Variants in ARFGEF1 observed in about 807,000 individuals in gnomAD.
The protein encoded by ARFGEF1 is ARF guanine nucleotide exchange factor 1.
ARFGEF1 carries 42 observed loss-of-function variants against 231.0 expected under a neutral mutation model. The observed-to-expected ratio is 0.18, with a 90% confidence interval of 0.14 to 0.24. The LOEUF (loss-of-function observed/expected upper bound fraction) is 0.24, where lower values mean the gene tolerates loss of function less well. Ranked by LOEUF, ARFGEF1 falls within the 10% of genes least tolerant of loss-of-function variation. ARFGEF1 has a pLI of 1.00. For synonymous variants in ARFGEF1, 710 were observed against 732.3 expected (o/e 0.97, Z 0.49); for missense variants, 1,345 against 2,192.0 (o/e 0.61, Z 7.72).
At chr8:67,179,831 T>C (rs1563767707) in intron 5 of ARFGEF1, 1 of 1,478,238 alleles carries the variant, frequency 6.8e-7, no homozygotes. Context: ...ACAAAACTAA[T>C]AAAAATAGTC....
At chr8:67,293,747 C>T (rs1195780259) in intron 5 of ARFGEF1, among the ~76,000 whole-genome samples, 2 of 152,086 alleles carry the variant, frequency 1.3e-5, no homozygotes, top group South Asian at 2.1e-4. Flanking sequence ...AGTCCCTTTC[C>T]ACAATGTACC....
At chr8:67,280,808 A>G (rs1004475954) in intron 7 of ARFGEF1, among the ~76,000 whole-genome samples, 2 of 152,192 alleles carry the variant, frequency 1.3e-5, no homozygotes, top group Non-Finnish European at 2.9e-5. Flanking sequence ...CAAGAAATAG[A>G]AAAAACATAT....
At chr8:67,239,997 T>C (rs1214558603) in intron 20 of ARFGEF1, among the ~76,000 whole-genome samples, 165 bp downstream of exon 20, 1 of 152,228 alleles carries the variant, frequency 6.6e-6, no homozygotes, top group Non-Finnish European at 1.5e-5. Flanking sequence ...ACCCCTTCTA[T>C]AACAGCTTCT....
chr8:67,240,022 T>C, intron 20 of ARFGEF1, 140 bp downstream of exon 20: 6 of 1,165,550 alleles, frequency 5.1e-6, no homozygotes. Flanking sequence ...AGCTTAAACA[T>C]TAAGATTCAT....
At chr8:67,289,290 C>T (rs916304254) in intron 6 of ARFGEF1, among the ~76,000 whole-genome samples, 1 of 152,040 alleles carries the variant, frequency 6.6e-6, no homozygotes, top group Non-Finnish European at 1.5e-5. Flanking sequence ...CAGGGGGGGT[C>T]ACACCTGTAA....
chr8:67,233,783 T>C (rs1408691321), intron 22 of ARFGEF1, among the ~76,000 whole-genome samples: 1 of 152,032 alleles, frequency 6.6e-6, no homozygotes, highest in Non-Finnish European at 1.5e-5. Flanking sequence ...TACCCTAGCA[T>C]TTAAAGCACT....
At chr8:67,186,970 CATCTATCTATCTATCT>C (rs59504632) in intron 5 of ARFGEF1, among the ~76,000 whole-genome samples, 1,843 of 149,862 alleles carry the variant, frequency 0.012, 40 homozygotes, top group African/African-American at 0.043. Flanking sequence ...ATCTATCTAT[CATCTATCTATCTATCT>C]ATCTATCTAT....
Position 67,199,021 on chromosome 8 carries a change from A to G in ARFGEF1, c.5463T>C (p.Ala1821=). 3 of 1,612,620 alleles carry G rather than the reference A, an allele frequency of 1.9e-6. No individual in the cohort carries two copies. The highest frequency in any genetic ancestry group is 2.5e-6 in the Non-Finnish European group (3 of 1,179,720). Residue 1821 remains alanine, a synonymous_variant, in exon 39 of 39, where the codon GCT becomes GCC. Transcript: ENST00000262215. ...TTCGCAGAAAAAATCTTCTAAGAAC[A>G]GCACGAAGTTCAGGAATCAAGTCAA... ...MQFDLIPELR[A]VLRRFFLRIG...
At chr8:67,184,610 A>G (rs184551378) in intron 5 of ARFGEF1, among the ~76,000 whole-genome samples, 52 of 151,928 alleles carry the variant, frequency 3.4e-4, no homozygotes, top group African/African-American at 1.2e-3. Flanking sequence ...CTGTAGTCCC[A>G]GCTATCTGGG....
chr8:67,281,255 T>C (rs531248374), intron 7 of ARFGEF1, among the ~76,000 whole-genome samples: 2 of 152,170 alleles, frequency 1.3e-5, no homozygotes, highest in South Asian at 2.1e-4. Flanking sequence ...ATCTGTATAG[T>C]GTGAGATGTG....
At chr8:67,194,351 G>GTTAAT (rs1837276548), downstream of ARFGEF1, among the ~76,000 whole-genome samples, 1 of 152,148 alleles carries the variant, frequency 6.6e-6, no homozygotes, top group African/African-American at 2.4e-5. Context: ...TTAATACTGT[G>GTTAAT]TTAATTTAAA....
chr8:67,281,022 T>TA lies in ARFGEF1; in HGVS notation c.1028-3566dup, dbSNP rs200033334. 1.6e-3 allele frequency among the ~76,000 whole-genome samples: 200 copies of TA among 127,254 alleles called. 1 individual carries two copies. Among genetic ancestry groups the TA allele is most frequent in the African/African-American group, 3.1e-3 (106 of 34,112 alleles). The allele number at this position is 127,254 out of a possible 152,430, so 83.5% of individuals were successfully genotyped here. A position where few individuals can be genotyped will look rare whatever the true frequency, so the allele number is the denominator to read the frequency against. On this transcript the variant is annotated intron_variant, in intron 7 of 38. Coordinates refer to ENST00000262215, the MANE Select transcript of ARFGEF1 (RefSeq NM_006421.5). The stretch of plus-strand genomic sequence containing the variant: ...AATAATACACAAGAGCAAAGTGCTA[T>TA]AAAAAAAAAAAAGCTCAGAGAAAAA...
At position 67,267,140 on chromosome 8, in the gene ARFGEF1, T is replaced by A; in HGVS notation, c.1763A>T (p.Lys588Ile). ...IFERLVNDLS[K>I]IAQGRGSQEL... ...TTGACTGCCCCTTCCTTGAGCAATT[T>A]TTGATAGATCATTTACTAGTCTTTC... The change falls in exon 12 of 39, where the codon AAA becomes ATA. Residue 588 changes from lysine to isoleucine, a missense_variant. By Grantham distance (102) the Lys-to-Ile change is moderately radical. Coordinates refer to ENST00000262215, the MANE Select transcript of ARFGEF1 (RefSeq NM_006421.5). The A allele has an allele frequency of 6.2e-7, 1 of 1,613,430 alleles. No homozygotes were observed. Among genetic ancestry groups the A allele is most frequent in the Non-Finnish European group, 8.5e-7 (1 of 1,179,752 alleles).
rs559206393 is a variant in ARFGEF1 at position 67,184,016 on chromosome 8, C to A, written c.561-8444G>T. Among the ~76,000 whole-genome samples the A allele has an allele frequency of 1.7e-3, 266 of 152,158 alleles. 1 individual carries two copies. Among genetic ancestry groups the A allele is most frequent in the Non-Finnish European group, 3.0e-3 (203 of 67,992 alleles). On this transcript the variant is annotated intron_variant, in intron 5 of 5. Coordinates refer to the ARFGEF1 transcript ENST00000518789. ...TACAGGCGCCTGCCACCACGCCTGG[C>A]TAATTTTTGTATTTTTAGTAGAGAC...
At chr8:67,210,542 A>C (rs1838696970) in intron 34 of ARFGEF1, among the ~76,000 whole-genome samples, 1 of 152,128 alleles carries the variant, frequency 6.6e-6, no homozygotes, top group Non-Finnish European at 1.5e-5. Flanking sequence ...ACGGTCCTTC[A>C]CTACTTCCCG....
At chr8:67,253,341 A>G (rs999361537) in intron 18 of ARFGEF1, 110 bp downstream of exon 18, 1 of 669,904 alleles carries the variant, frequency 1.5e-6, no homozygotes, top group African/African-American at 1.9e-5. Flanking sequence ...CTCCCTGAGT[A>G]GCTGGGGACT....
intron 14 of ARFGEF1, among the ~76,000 whole-genome samples, chr8:67,265,515 C>A (rs1005540545): frequency 1.3e-5 from 2 of 152,094 alleles, no homozygotes; most frequent in African/African-American, 4.8e-5. Context: ...AAACTGACTT[C>A]ACAAGATTAG....
chr8:67,291,881 T>C lies in ARFGEF1; in HGVS notation c.882A>G (p.Glu294=), dbSNP rs748073624. ...CAGTTGCCTGATCAGCTTCAGTCTG[T>C]TCATTTTCTGCACTGGAAATATCAG... ...NGSDISSAEN[E]QTEADQATAA... Residue 294 remains glutamate (E), a synonymous_variant, in exon 6 of 39, where the codon GAA becomes GAG. Coordinates refer to ENST00000262215, the MANE Select transcript of ARFGEF1 (RefSeq NM_006421.5). 4 of 1,613,834 alleles carry C rather than the reference T, an allele frequency of 2.5e-6. No individual in the cohort carries two copies. In the South Asian group the frequency reaches 3.3e-5, roughly 13 times the overall value.
intron 1 of ARFGEF1, among the ~76,000 whole-genome samples, chr8:67,312,091 C>CAA (rs1032336057): frequency 1.3e-5 from 2 of 152,094 alleles, no homozygotes; most frequent in Admixed American, 1.3e-4. Context: ...ATCAGGGACA[C>CAA]AAACACTGCG....
Sources: allele counts gnomAD v4.1 joint callset (sites outside exome capture counted in the v4.1 genomes callset), GRCh38; gene constraint gnomAD v4.1.1; transcripts MANE v1.5; gene names NCBI Gene and HGNC (gene_info 2026-07-23, HGNC 2026-07-21).